The following KIF26B variants were observed in gnomAD, a reference collection of about 807,000 sequenced individuals.
The protein encoded by KIF26B is kinesin family member 26B.
Under a neutral mutation model 151.2 loss-of-function variants are expected in KIF26B, and 63 were observed. The ratio of observed to expected loss-of-function variants is 0.42; its 90% CI spans 0.34 to 0.51. The LOEUF is 0.51. Ranked by LOEUF, KIF26B falls within the 20% of genes least tolerant of loss-of-function variation. KIF26B has a pLI of 0.07. For missense variants in KIF26B, 2,813 were observed against 2,913.6 expected, an observed-to-expected ratio of 0.97 and a Z score of 0.79; for synonymous variants, 1,357 against 1,262.1, an observed-to-expected ratio of 1.08 and a Z score of -1.59.
chr1:245,171,397 A>C (rs1372458139), intron 2 of KIF26B, among the ~76,000 whole-genome samples: 1 of 152,160 alleles, frequency 6.6e-6, no homozygotes, highest in East Asian at 1.9e-4. Context: ...CAAAAAAGTT[A>C]GCTGGGTGTG....
At chr1:245,680,372 TGCCGG>T (rs1361690838) in intron 10 of KIF26B, among the ~76,000 whole-genome samples, 19 of 152,326 alleles carry the variant, frequency 1.2e-4, no homozygotes, top group Non-Finnish European at 2.2e-4. Flanking sequence ...AGAGCTAAAA[TGCCGG>T]TTGCTAAGCA....
In KIF26B at chr1:245,564,252, G is replaced by A. The variant is rs1011562425; in HGVS notation, c.1350+23302G>A. On this transcript the variant is annotated intron_variant, in intron 5 of 14. Transcript: ENST00000407071. This position sits in a 1 kb window ranked among gnomAD's most constrained non-coding sequence, Gnocchi z 4.6. Reference sequence around the variant, plus strand: ...GAATGAGCTTCCCCCCATTTTCTGCGATACACACTGTCACTTTCCCTGGGA... The same window carrying A: ...GAATGAGCTTCCCCCCATTTTCTGCAATACACACTGTCACTTTCCCTGGGA... 3.3e-5 allele frequency among the ~76,000 whole-genome samples: 5 copies of A among 152,082 alleles called. No homozygotes were observed. Among genetic ancestry groups the A allele is most frequent in the African/African-American group, 1.2e-4 (5 of 41,410 alleles).
At chr1:245,391,505 T>G (rs772842797) in intron 3 of KIF26B, among the ~76,000 whole-genome samples, 1 of 152,050 alleles carries the variant, frequency 6.6e-6, no homozygotes, top group Admixed American at 6.5e-5. Context: ...TTAAAGAGAT[T>G]TGTGGGCTGG....
chr1:245,171,243 C>G (rs1668701817), intron 2 of KIF26B, among the ~76,000 whole-genome samples: 4 of 152,210 alleles, frequency 2.6e-5, no homozygotes, highest in Non-Finnish European at 1.5e-5. Context: ...AGAGCATCGT[C>G]TTTAATAATT....
intron 10 of KIF26B, among the ~76,000 whole-genome samples, chr1:245,684,013 TGC>T (rs1335077600): frequency 4.1e-4 from 62 of 151,930 alleles, no homozygotes; most frequent in Admixed American, 1.4e-3. Context: ...CCAAGGGAGG[TGC>T]TTTGCACAGA....
intron 10 of KIF26B, among the ~76,000 whole-genome samples, chr1:245,682,760 T>C (rs1405583939): frequency 1.3e-5 from 2 of 152,228 alleles, no homozygotes; most frequent in Non-Finnish European, 2.9e-5. Context: ...ACTGCGCATA[T>C]TGAAGACAGA....
At chr1:245,665,999 CTTTTTTTT>C (rs33957488) in intron 10 of KIF26B, among the ~76,000 whole-genome samples, 6 of 107,414 alleles carry the variant, frequency 5.6e-5, no homozygotes, top group South Asian at 3.2e-4. Flanking sequence ...ACATTATGTC[CTTTTTTTT>C]TTTTTTTTTT....
chr1:245,455,647 A>G (rs1659502200), intron 4 of KIF26B, among the ~76,000 whole-genome samples: 1 of 152,242 alleles, frequency 6.6e-6, no homozygotes. Context: ...TTCTCCCGTC[A>G]TTGAGAAGAG....
intron 2 of KIF26B, among the ~76,000 whole-genome samples, chr1:245,161,434 A>G (rs1668527839): frequency 6.6e-6 from 1 of 152,244 alleles, no homozygotes; most frequent in Admixed American, 6.5e-5. Context: ...GTGATTTTTA[A>G]ATGGCTGAGG....
chr1:245,553,303 T>C (rs1324125253), intron 5 of KIF26B, among the ~76,000 whole-genome samples: 1 of 152,182 alleles, frequency 6.6e-6, no homozygotes, highest in African/African-American at 2.4e-5. Context: ...TCTGGATGGC[T>C]GCATGAGACT....
chr1:245,343,218 G>A (rs889463601), intron 2 of KIF26B, among the ~76,000 whole-genome samples: 4 of 152,138 alleles, frequency 2.6e-5, no homozygotes, highest in Non-Finnish European at 5.9e-5. Context: ...TTTGGTCTGT[G>A]GAGTGTATTA....
rs112950186 is a variant in KIF26B, at chr1:245,267,620, G to A, written c.466-99214G>A. Among the ~76,000 whole-genome samples, 685 of 147,004 alleles carry A rather than the reference G, an allele frequency of 4.7e-3. 4 individuals carry two copies. The highest frequency in any genetic ancestry group is 0.016 in the African/African-American group (619 of 39,666). On this transcript the variant is annotated intron_variant, in intron 2 of 14. Transcript: ENST00000407071. ...GCAGCCAAGAACAGATACTACTGGC[G>A]ACAGCTAAGTAATGCACACACACAC...
intron 3 of KIF26B, among the ~76,000 whole-genome samples, chr1:245,403,344 A>T (rs1010224281): frequency 9.9e-5 from 15 of 152,136 alleles, no homozygotes; most frequent in African/African-American, 3.4e-4. Context: ...CATTTTTCGG[A>T]TGCGTTCCTT....
intron 4 of KIF26B, among the ~76,000 whole-genome samples, chr1:245,483,628 C>T (rs970683081): frequency 2.6e-5 from 4 of 151,880 alleles, no homozygotes; most frequent in Admixed American, 2.0e-4. Context: ...TCCCACGGTC[C>T]CATTCCAGTG....
intron 3 of KIF26B, among the ~76,000 whole-genome samples, chr1:245,393,031 C>A (rs1396055243): frequency 1.3e-5 from 2 of 151,916 alleles, no homozygotes; most frequent in African/African-American, 4.8e-5. Flanking sequence ...ATTAGCTGGG[C>A]GTGATGGCAG....
intron 2 of KIF26B, among the ~76,000 whole-genome samples, chr1:245,190,029 C>T (rs924055396): frequency 2.0e-5 from 3 of 152,052 alleles, no homozygotes; most frequent in African/African-American, 7.2e-5. Context: ...ATCTCCTCCC[C>T]GGTCCCTCCC....
chr1:245,680,742 A>ATTGAGT (rs2044423739), intron 10 of KIF26B, among the ~76,000 whole-genome samples: 1 of 152,174 alleles, frequency 6.6e-6, no homozygotes, highest in Non-Finnish European at 1.5e-5. Context: ...ATGCATTTGT[A>ATTGAGT]ACCCCAAAAT....
At chr1:245,645,846 G>T (rs1236504858) in intron 9 of KIF26B, among the ~76,000 whole-genome samples, 1 of 152,212 alleles carries the variant, frequency 6.6e-6, no homozygotes, top group Non-Finnish European at 1.5e-5. Context: ...ATCTCATTCA[G>T]TTCAACCTGC....
chr1:245,213,908 T>C (rs367792497), intron 2 of KIF26B, among the ~76,000 whole-genome samples: 41 of 152,320 alleles, frequency 2.7e-4, no homozygotes, highest in African/African-American at 9.1e-4. Context: ...TGCCACACAG[T>C]AAGACTCCCA....
Sources: gnomAD v4.1 joint callset for allele counts (sites outside exome capture counted in the v4.1 genomes callset) on GRCh38, gnomAD v4.1.1 for gene constraint, Gnocchi (gnomAD v3.1) non-coding constraint, MANE v1.5 for transcripts, NCBI Gene and HGNC (gene_info 2026-07-23, HGNC 2026-07-21) for gene names.